The following AGBL4 variants were observed in gnomAD, a reference collection of about 807,000 sequenced individuals.
The protein encoded by AGBL4 is cytosolic carboxypeptidase 6.
A neutral mutation model predicts 66.4 loss-of-function variants in AGBL4; 58 were observed. The ratio of observed to expected loss-of-function variants is 0.87; its 90% CI spans 0.71 to 1.09. The LOEUF (loss-of-function observed/expected upper bound fraction) is 1.09. Among genes scored for constraint, AGBL4 ranks in the 50% least tolerant of loss-of-function variants. The probability of loss-of-function intolerance (pLI) is 0.00; values close to 1 mark genes in which losing one functional copy is unlikely to be tolerated. For missense variants in AGBL4, 579 were observed against 631.0 expected (o/e 0.92, Z 0.88); for synonymous variants, 234 against 222.9 (o/e 1.05, Z -0.44).
At chr1:49,636,158 G>A (rs141728001) in intron 3 of AGBL4, among the ~76,000 whole-genome samples, 12 of 152,252 alleles carry the variant, frequency 7.9e-5, no homozygotes, top group Non-Finnish European at 8.8e-5. Flanking sequence ...TGGATAAACT[G>A]AGTGTTATAA....
chr1:49,598,979 G>C (rs1486912829), intron 3 of AGBL4, among the ~76,000 whole-genome samples: 2 of 152,118 alleles, frequency 1.3e-5, no homozygotes, highest in Admixed American at 6.6e-5. Flanking sequence ...TAAGCCTTTG[G>C]ATGTGCCGCT....
intron 6 of AGBL4, among the ~76,000 whole-genome samples, chr1:48,758,509 C>G (rs1162985424): frequency 2.6e-5 from 4 of 152,214 alleles, no homozygotes; most frequent in Non-Finnish European, 4.4e-5. Context: ...TTATCACTTT[C>G]TGACTTAAAC....
intron 1 of AGBL4, among the ~76,000 whole-genome samples, chr1:49,944,537 TG>T (rs1335535402): frequency 6.6e-6 from 1 of 152,084 alleles, no homozygotes; most frequent in Admixed American, 6.6e-5. Flanking sequence ...GGGAATACTA[TG>T]TAGGACAAAA....
chr1:49,239,698 A>C, intron 4 of AGBL4, among the ~76,000 whole-genome samples: 1 of 152,260 alleles, frequency 6.6e-6, no homozygotes, highest in South Asian at 2.1e-4. Flanking sequence ...GAAGATACTG[A>C]ATTAATTTAT....
chr1:49,913,023 A>G (rs1651011136), intron 1 of AGBL4, among the ~76,000 whole-genome samples: 1 of 152,218 alleles, frequency 6.6e-6, no homozygotes, highest in Admixed American at 6.5e-5. Context: ...TTTAAAGGGG[A>G]CATTCAAACC....
chr1:49,069,823 A>G (rs904028252), intron 4 of AGBL4, among the ~76,000 whole-genome samples: 14 of 152,048 alleles, frequency 9.2e-5, no homozygotes, highest in Non-Finnish European at 8.8e-5. Flanking sequence ...TACTATGGGC[A>G]GTATAGCCAT....
At chr1:49,205,403 A>T (rs572783787) in intron 4 of AGBL4, among the ~76,000 whole-genome samples, 50 of 152,204 alleles carry the variant, frequency 3.3e-4, no homozygotes, top group African/African-American at 1.2e-3. Flanking sequence ...TAGATGCTGG[A>T]AAACACTTTG....
intron 2 of AGBL4, among the ~76,000 whole-genome samples, chr1:49,765,828 C>A (rs1420703399): frequency 4.0e-5 from 6 of 151,586 alleles, no homozygotes; most frequent in Non-Finnish European, 7.4e-5. Context: ...TGAGATCAAG[C>A]AGAAGAAAGA....
chr1:49,310,423 G>C (rs1379338520), intron 3 of AGBL4, among the ~76,000 whole-genome samples: 5 of 151,890 alleles, frequency 3.3e-5, no homozygotes, highest in African/African-American at 1.2e-4. Flanking sequence ...TTTGGACTAG[G>C]GAAGCATCGG....
chr1:49,523,308 C>T (rs1650409950), intron 3 of AGBL4, among the ~76,000 whole-genome samples: 1 of 152,040 alleles, frequency 6.6e-6, no homozygotes, highest in Non-Finnish European at 1.5e-5. Flanking sequence ...AAGACCTTAA[C>T]TCTAGTTATG....
At chr1:49,571,312 T>A (rs761620078) in intron 3 of AGBL4, among the ~76,000 whole-genome samples, 1 of 152,052 alleles carries the variant, frequency 6.6e-6, no homozygotes, top group African/African-American at 2.4e-5. Flanking sequence ...CTTCCTTGCT[T>A]AGATGGATTC....
chr1:48,933,890 G>A (rs900340383), intron 5 of AGBL4, among the ~76,000 whole-genome samples: 2 of 152,156 alleles, frequency 1.3e-5, no homozygotes, highest in Non-Finnish European at 2.9e-5. Context: ...CTTAAGCTCT[G>A]CCCTGTATAG....
chr1:49,529,238 A>G (rs1650904798), intron 3 of AGBL4, among the ~76,000 whole-genome samples: 1 of 152,152 alleles, frequency 6.6e-6, no homozygotes, highest in African/African-American at 2.4e-5. Flanking sequence ...TTTGAGAGAT[A>G]ATGGGGAATA....
intron 3 of AGBL4, among the ~76,000 whole-genome samples, chr1:49,289,853 G>GGCA (rs1644500877): frequency 6.6e-6 from 1 of 151,856 alleles, no homozygotes; most frequent in Non-Finnish European, 1.5e-5. Context: ...AGTAAATATA[G>GGCA]GCAAACTCAA....
chr1:49,645,845 G>T (rs1645876865), intron 3 of AGBL4, among the ~76,000 whole-genome samples: 1 of 149,974 alleles, frequency 6.7e-6, no homozygotes, highest in African/African-American at 2.4e-5. Flanking sequence ...GCTAAGTATG[G>T]AATGCAAAGT....
chr1:48,594,737 C>T (rs1644969950), intron 9 of AGBL4, among the ~76,000 whole-genome samples: 1 of 152,126 alleles, frequency 6.6e-6, no homozygotes, highest in South Asian at 2.1e-4. Context: ...ACTGTTTCAA[C>T]ACCATTTATT....
chr1:48,579,558 C>G lies in AGBL4; in HGVS notation c.1267+7446G>C, dbSNP rs1644705478. On this transcript the variant is annotated intron_variant, in intron 11 of 13. Coordinates refer to ENST00000371839, the MANE Select transcript of AGBL4 (RefSeq NM_032785.4). ...GCCCAGCCCCATATTGTTTTCGAAT[C>G]AAGAACTGGGCATCTTACTTGACTC... 2.6e-5 allele frequency among the ~76,000 whole-genome samples: 4 copies of G among 151,158 alleles called. No homozygotes were observed. In the South Asian group the frequency reaches 8.5e-4, roughly 32 times the overall value.
chr1:49,823,685 T>C (rs559627388), intron 2 of AGBL4, among the ~76,000 whole-genome samples: 4 of 152,098 alleles, frequency 2.6e-5, no homozygotes, highest in South Asian at 2.1e-4. Context: ...AAAGCAGCCA[T>C]AGAGAACTAA....
At chr1:48,610,045 T>C (rs941480667) in intron 9 of AGBL4, among the ~76,000 whole-genome samples, 5 of 152,230 alleles carry the variant, frequency 3.3e-5, no homozygotes, top group Admixed American at 1.3e-4. Context: ...CCTCTAAGAC[T>C]TGGTTTCTTC....
Sources: gnomAD v4.1 joint callset for allele counts (sites outside exome capture counted in the v4.1 genomes callset) on GRCh38, gnomAD v4.1.1 for gene constraint, MANE v1.5 for transcripts, NCBI Gene and HGNC (gene_info 2026-07-23, HGNC 2026-07-21) for gene names.